SULF2: variants seen among roughly 807,000 people sequenced by gnomAD.
SULF2 encodes the protein extracellular sulfatase Sulf-2.
SULF2 carries 52 observed loss-of-function variants against 107.7 expected under a neutral mutation model. The ratio of observed to expected loss-of-function variants is 0.48; its 90% CI spans 0.39 to 0.61. The LOEUF (loss-of-function observed/expected upper bound fraction) is 0.61, where lower values mean the gene tolerates loss of function less well. Among genes scored for constraint, SULF2 ranks in the 20% least tolerant of loss-of-function variants. The pLI is 0.00. For synonymous variants in SULF2, 460 were observed against 464.3 expected (o/e 0.99, Z 0.12); for missense variants, 993 against 1,177.3 (o/e 0.84, Z 2.29).
intron 1 of SULF2, among the ~76,000 whole-genome samples, chr20:47,762,620 C>T (rs939408325): frequency 5.9e-5 from 9 of 152,222 alleles, no homozygotes; most frequent in Non-Finnish European, 1.3e-4. Context: ...TAAGAGTCTC[C>T]CAGCCTCAGT....
chr20:47,744,964 G>GTGTAT (rs2089973271), intron 2 of SULF2, among the ~76,000 whole-genome samples: 1 of 152,018 alleles, frequency 6.6e-6, no homozygotes, highest in Non-Finnish European at 1.5e-5. Flanking sequence ...CACACAAACA[G>GTGTAT]ATGCACATAT....
At chr20:47,690,007 C>T (rs994285925) in intron 5 of SULF2, 119 bp downstream of exon 5, 4 of 1,038,560 alleles carry the variant, frequency 3.9e-6, no homozygotes, top group South Asian at 4.3e-5. Flanking sequence ...GGTCTTTAAA[C>T]CAGGAGGATT....
chr20:47,759,840 G>A (rs765235881), intron 1 of SULF2, among the ~76,000 whole-genome samples: 6 of 152,142 alleles, frequency 3.9e-5, no homozygotes, highest in East Asian at 1.9e-4. Flanking sequence ...TTTTATAACC[G>A]GTTTTATTTC....
Position 47,779,769 on chromosome 20 carries a change from G to A in SULF2, c.-101+5574C>T, listed in dbSNP as rs571443518. Among the ~76,000 whole-genome samples, 18 of 152,200 alleles carry A rather than the reference G, an allele frequency of 1.2e-4. No homozygotes were observed. The East Asian group carries it at 3.5e-3, about 29-fold the overall frequency. ...TTACAGGTGTGCGCCACCGTGCCTG[G>A]CTAATTTTTGTATTTTTAGTAGAGA... On this transcript the variant is annotated intron_variant, in intron 1 of 20. Coordinates refer to ENST00000688720, the MANE Select transcript of SULF2 (RefSeq NM_001387048.1).
Position 47,757,274 on chromosome 20 carries a change from G to T in SULF2, c.90C>A (p.Arg30=), listed in dbSNP as rs1306794714. 3.2e-6 allele frequency: 5 copies of T among 1,584,596 alleles called. No individual in the cohort carries two copies. Among genetic ancestry groups the T allele is most frequent in the Middle Eastern group, 1.7e-4 (1 of 6,032 alleles). The change falls in exon 2 of 21, where the codon CGC becomes CGA. Residue 30 remains arginine (R), a synonymous_variant. Coordinates refer to ENST00000688720, the MANE Select transcript of SULF2 (RefSeq NM_001387048.1). ...GGSSAFLSHH[R]LKGRFQRDRR... ...GGTCCCTCTGAAACCTGCCTTTCAG[G>T]CGGTGGTGCGACAGGAAGGCCGAGC...
At chr20:47,702,204 T>G (rs1312583000) in intron 4 of SULF2, among the ~76,000 whole-genome samples, 2 of 152,136 alleles carry the variant, frequency 1.3e-5, no homozygotes, top group African/African-American at 4.8e-5. Flanking sequence ...TCCACAGGCA[T>G]GTGCCACCAC....
rs1256492667 is a variant in SULF2 at position 47,694,242 on chromosome 20, A to G, written c.568-3947T>C. Among the ~76,000 whole-genome samples the G allele has an allele frequency of 6.6e-6, 1 of 152,136 alleles. No individual in the cohort carries two copies. Among genetic ancestry groups the G allele is most frequent in the Non-Finnish European group, 1.5e-5 (1 of 68,008 alleles). On this transcript the variant is annotated intron_variant, in intron 4 of 20. Coordinates refer to ENST00000688720, the MANE Select transcript of SULF2 (RefSeq NM_001387048.1). This position sits in a 1 kb window ranked among gnomAD's most constrained non-coding sequence, Gnocchi z 4.4. ...AGGCCTGGGCCAGGGTGGCGGGGGC[A>G]GCATCCAGCGATGCTCAGGGGCAGC...
intron 3 of SULF2, among the ~76,000 whole-genome samples, chr20:47,723,591 C>T (rs2089355753): frequency 6.6e-6 from 1 of 152,154 alleles, no homozygotes; most frequent in Admixed American, 6.5e-5. Context: ...TGCATCACTG[C>T]CTGAGCTCTG....
rs1410863259 is a variant in SULF2, at chr20:47,707,035, T to C, written c.416-4365A>G. 3 of 152,114 alleles carry C rather than the reference T, an allele frequency of 2.0e-5. No homozygotes were observed. In the East Asian group the frequency reaches 5.8e-4, roughly 29 times the overall value. The allele number at this position is 152,114 out of a possible 1,614,324, so 9.4% of individuals were successfully genotyped here. A position where few individuals can be genotyped will look rare whatever the true frequency, so the allele number is the denominator to read the frequency against. On this transcript the variant is annotated intron_variant, in intron 3 of 20. Transcript: ENST00000688720. ...ATGGAGTCTTGCTCTTGTCACCCAG[T>C]CTGGAGGGCAGTGGTGTAATCTCAG...
intron 2 of SULF2, among the ~76,000 whole-genome samples, chr20:47,751,996 G>T (rs1052872730): frequency 1.3e-5 from 2 of 152,208 alleles, no homozygotes; most frequent in Admixed American, 6.5e-5. Flanking sequence ...AACCATGCCA[G>T]GCTCACATAC....
intron 2 of SULF2, among the ~76,000 whole-genome samples, chr20:47,746,062 A>T (rs116918244): frequency 0.011 from 1,682 of 152,336 alleles, 8 homozygotes; most frequent in Non-Finnish European, 0.017. Flanking sequence ...GCTGGACCTG[A>T]GTAGCGAAGG....
chr20:47,688,297 T>G (rs529257553), intron 5 of SULF2, among the ~76,000 whole-genome samples: 3 of 152,278 alleles, frequency 2.0e-5, no homozygotes, highest in Non-Finnish European at 2.9e-5. Flanking sequence ...TCGGAAATGA[T>G]TATACTCCAG....
intron 1 of SULF2, 121 bp downstream of exon 1, chr20:47,785,222 C>T (rs1180158793): frequency 6.7e-6 from 1 of 149,874 alleles, no homozygotes; most frequent in Non-Finnish European, 1.5e-5. Context: ...CCGGACCAGC[C>T]CCGGCTCACC....
At chr20:47,672,173 C>T in intron 11 of SULF2, 25 bp downstream of exon 11, 1 of 1,584,236 alleles carries the variant, frequency 6.3e-7, no homozygotes, top group Non-Finnish European at 8.6e-7. Context: ...CCTCCTGTCC[C>T]ACTCAGCCAG....
intron 2 of SULF2, among the ~76,000 whole-genome samples, chr20:47,741,371 C>T (rs1363911979): frequency 6.6e-6 from 1 of 151,980 alleles, no homozygotes; most frequent in Non-Finnish European, 1.5e-5. Flanking sequence ...GAAGACCTCT[C>T]CCCCGGAGCC....
At chr20:47,774,500 T>C (rs1352108670) in intron 1 of SULF2, among the ~76,000 whole-genome samples, 2 of 152,190 alleles carry the variant, frequency 1.3e-5, no homozygotes, top group African/African-American at 4.8e-5. Flanking sequence ...GCAGGGGTTC[T>C]AGGAGTTGAC....
chr20:47,754,351 C>T (rs1433917666), intron 2 of SULF2, among the ~76,000 whole-genome samples: 2 of 152,188 alleles, frequency 1.3e-5, no homozygotes, highest in Admixed American at 6.5e-5. Context: ...TTAGGACCAC[C>T]CGCTGCATGC....
intron 3 of SULF2, among the ~76,000 whole-genome samples, chr20:47,724,563 C>T (rs1452143921): frequency 1.3e-5 from 2 of 152,170 alleles, no homozygotes; most frequent in Non-Finnish European, 2.9e-5. Flanking sequence ...GAGGATGAGG[C>T]CCATTCATTC....
At chr20:47,679,262 G>A (rs780070111) in intron 7 of SULF2, among the ~76,000 whole-genome samples, 2 of 151,988 alleles carry the variant, frequency 1.3e-5, no homozygotes, top group Non-Finnish European at 2.9e-5. Flanking sequence ...TCCTTTCCCT[G>A]GAGATCAGGG....
Sources: allele counts gnomAD v4.1 joint callset (sites outside exome capture counted in the v4.1 genomes callset), GRCh38; gene constraint gnomAD v4.1.1; non-coding constraint Gnocchi (gnomAD v3.1); transcripts MANE v1.5; gene names NCBI Gene and HGNC (gene_info 2026-07-23, HGNC 2026-07-21).